The following GRIA4 variants were observed in gnomAD, a reference collection of about 807,000 sequenced individuals.
GRIA4 encodes glutamate receptor 4.
In GRIA4, 34 loss-of-function variants were observed where a neutral mutation model predicts 104.0. The ratio of observed to expected loss-of-function variants is 0.33; its 90% confidence interval spans 0.25 to 0.44. The LOEUF (loss-of-function observed/expected upper bound fraction) is 0.44, where lower values mean the gene tolerates loss of function less well. Ranked by LOEUF, GRIA4 falls within the 20% of genes least tolerant of loss-of-function variation. GRIA4 has a pLI of 1.00. For synonymous variants in GRIA4, 386 were observed against 381.9 expected (o/e 1.01, Z -0.13); for missense variants, 750 against 1,096.5 (o/e 0.68, Z 4.46).
intron 4 of GRIA4, among the ~76,000 whole-genome samples, chr11:105,777,286 A>G (rs1160841908): frequency 6.6e-6 from 1 of 152,082 alleles, no homozygotes; most frequent in East Asian, 1.9e-4. Flanking sequence ...TAAATCTAAG[A>G]AAATATTCCT....
chr11:105,823,333 T>A (rs1473044029), intron 4 of GRIA4, among the ~76,000 whole-genome samples: 1 of 152,094 alleles, frequency 6.6e-6, no homozygotes, highest in Non-Finnish European at 1.5e-5. Flanking sequence ...GTCATAAACA[T>A]CCAATTTCTT....
At chr11:105,952,037 G>C (rs1259118891) in intron 14 of GRIA4, among the ~76,000 whole-genome samples, 1 of 152,108 alleles carries the variant, frequency 6.6e-6, no homozygotes, top group Non-Finnish European at 1.5e-5. Flanking sequence ...ATTGAGGCTA[G>C]TACTTTGGAA....
intron 4 of GRIA4, among the ~76,000 whole-genome samples, chr11:105,784,171 TACCAAC>T (rs1941856040): frequency 6.6e-6 from 1 of 152,198 alleles, no homozygotes; most frequent in Non-Finnish European, 1.5e-5. Context: ...CCTGGGTCAC[TACCAAC>T]ACTGTGAAGG....
chr11:105,671,467 A>G (rs1952363065), intron 3 of GRIA4, among the ~76,000 whole-genome samples: 1 of 151,954 alleles, frequency 6.6e-6, no homozygotes, highest in Non-Finnish European at 1.5e-5. Flanking sequence ...ACCTAGGGTC[A>G]GGAGTTCGAG....
At chr11:105,808,029 T>C (rs1451620191) in intron 4 of GRIA4, among the ~76,000 whole-genome samples, 31 of 152,004 alleles carry the variant, frequency 2.0e-4, no homozygotes, top group Non-Finnish European at 5.9e-5. Flanking sequence ...AGAAAATAGC[T>C]ATTTCTAAAA....
chr11:105,617,737 C>G (rs1034203892), intron 3 of GRIA4, among the ~76,000 whole-genome samples: 1 of 151,972 alleles, frequency 6.6e-6, no homozygotes. Context: ...ACATGTTTAT[C>G]AAGAGCAACT....
At chr11:105,689,399 C>G (rs1158213303) in intron 3 of GRIA4, among the ~76,000 whole-genome samples, 1 of 152,138 alleles carries the variant, frequency 6.6e-6, no homozygotes, top group East Asian at 1.9e-4. Context: ...CCTAGAAAAG[C>G]ATGATGAGTT....
At chr11:105,861,894 C>G (rs537757619) in intron 4 of GRIA4, 130 bp from the exon 5 acceptor site, 1 of 628,806 alleles carries the variant, frequency 1.6e-6, no homozygotes, top group African/African-American at 1.9e-5. Context: ...GAAATAACCA[C>G]ACAGACTTTA....
intron 4 of GRIA4, among the ~76,000 whole-genome samples, chr11:105,761,477 T>C (rs1940647733): frequency 6.6e-6 from 1 of 152,182 alleles, no homozygotes; most frequent in Admixed American, 6.5e-5. Flanking sequence ...TCCTGTATTA[T>C]TCTTGAGTTT....
chr11:105,972,204 C>G (rs965790077), intron 15 of GRIA4, among the ~76,000 whole-genome samples, 176 bp downstream of exon 15: 3 of 152,142 alleles, frequency 2.0e-5, no homozygotes, highest in Non-Finnish European at 4.4e-5. Context: ...GAAACTGCAA[C>G]CTGCTCCCCA....
At chr11:105,899,806 A>C (rs1946792308) in intron 7 of GRIA4, among the ~76,000 whole-genome samples, 1 of 152,160 alleles carries the variant, frequency 6.6e-6, no homozygotes, top group South Asian at 2.1e-4. Flanking sequence ...TGGTTCATGG[A>C]CATTGAACTC....
intron 9 of GRIA4, among the ~76,000 whole-genome samples, chr11:105,906,534 G>A (rs984184066): frequency 6.6e-5 from 10 of 152,274 alleles, no homozygotes; most frequent in Non-Finnish European, 1.5e-4. Context: ...TCCCAGTTGC[G>A]TTTTGCTTCA....
At chr11:105,862,540 C>A in intron 5 of GRIA4, 1 of 174,182 alleles carries the variant, frequency 5.7e-6, no homozygotes, top group Non-Finnish European at 1.2e-5. Flanking sequence ...AAAAATAGTA[C>A]AAAAATTCTA....
intron 4 of GRIA4, among the ~76,000 whole-genome samples, chr11:105,762,669 C>T (rs1940721805): frequency 6.6e-6 from 1 of 152,050 alleles, no homozygotes; most frequent in Non-Finnish European, 1.5e-5. Flanking sequence ...GGGTTTTCCC[C>T]GTGCTGTTCT....
chr11:105,858,597 A>G (rs1009240124), intron 4 of GRIA4, among the ~76,000 whole-genome samples: 6 of 152,200 alleles, frequency 3.9e-5, no homozygotes, highest in East Asian at 1.9e-4. Flanking sequence ...CAAAGACTAT[A>G]TCTTATTTAT....
intron 14 of GRIA4, among the ~76,000 whole-genome samples, chr11:105,946,593 AT>A (rs1948320466): frequency 1.3e-5 from 2 of 152,160 alleles, no homozygotes; most frequent in African/African-American, 2.4e-5. Context: ...CTCAAAAAAA[AT>A]AAATAAAAGC....
At chr11:105,631,074 C>A (rs1951024591) in intron 3 of GRIA4, among the ~76,000 whole-genome samples, 1 of 152,174 alleles carries the variant, frequency 6.6e-6, no homozygotes, top group Non-Finnish European at 1.5e-5. Flanking sequence ...TCTAGACTTA[C>A]TAAAATCCTC....
At chr11:105,820,983 G>C (rs1471178211) in intron 4 of GRIA4, among the ~76,000 whole-genome samples, 1 of 152,040 alleles carries the variant, frequency 6.6e-6, no homozygotes. Flanking sequence ...ACGTTTATTA[G>C]TTTTTGTTAT....
intron 4 of GRIA4, among the ~76,000 whole-genome samples, chr11:105,800,780 A>ATT (rs5794425): frequency 6.6e-6 from 1 of 151,322 alleles, no homozygotes; most frequent in Non-Finnish European, 1.5e-5. Context: ...TACATTAAAA[A>ATT]TTTTAATTTT....
Sources: gnomAD v4.1 joint callset for allele counts (sites outside exome capture counted in the v4.1 genomes callset) on GRCh38, gnomAD v4.1.1 for gene constraint, MANE v1.5 for transcripts, NCBI Gene and HGNC (gene_info 2026-07-23, HGNC 2026-07-21) for gene names.